Variants in ZMAT4 observed in about 807,000 individuals in gnomAD.
ZMAT4 encodes the protein zinc finger matrin-type 4, also known as zinc finger matrin-type protein 4.
In ZMAT4, 17 loss-of-function variants were observed where a neutral mutation model predicts 28.7. The observed-to-expected ratio is 0.59, with a 90% CI of 0.41 to 0.89. The LOEUF (loss-of-function observed/expected upper bound fraction) is 0.89. Ranked by LOEUF, ZMAT4 falls within the 40% of genes least tolerant of loss-of-function variation. The pLI is 0.00. For synonymous variants in ZMAT4, 117 were observed against 109.2 expected (o/e 1.07, Z -0.44); for missense variants, 240 against 283.8 (o/e 0.85, Z 1.11).
At chr8:40,651,315 C>A (rs1029226851) in intron 5 of ZMAT4, among the ~76,000 whole-genome samples, 5 of 152,328 alleles carry the variant, frequency 3.3e-5, no homozygotes, top group African/African-American at 1.2e-4. Flanking sequence ...CATGAGTGAA[C>A]TCTCATTCAC....
intron 1 of ZMAT4, among the ~76,000 whole-genome samples, chr8:40,845,715 A>G (rs531911456): frequency 2.0e-5 from 3 of 152,052 alleles, no homozygotes; most frequent in African/African-American, 7.2e-5. Context: ...CAAAAAAAAA[A>G]AAATTTTTAG....
At chr8:40,736,690 G>A (rs1309238700) in intron 3 of ZMAT4, among the ~76,000 whole-genome samples, 1 of 152,208 alleles carries the variant, frequency 6.6e-6, no homozygotes, top group Non-Finnish European at 1.5e-5. Flanking sequence ...GGAGGTAATA[G>A]TATGAGCAGA....
chr8:40,534,789 TCTC>T (rs1315897251), intron 6 of ZMAT4, among the ~76,000 whole-genome samples: 2 of 150,782 alleles, frequency 1.3e-5, no homozygotes, highest in African/African-American at 4.9e-5. Context: ...TTCAAGCAAT[TCTC>T]CTGCTTCAGC....
chr8:40,609,562 C>A (rs769347711), intron 5 of ZMAT4, among the ~76,000 whole-genome samples: 26 of 152,200 alleles, frequency 1.7e-4, no homozygotes, highest in Admixed American at 4.6e-4. Flanking sequence ...ACTTGTCAAA[C>A]CCACAGTTAG....
At chr8:40,769,131 A>G (rs1813282212) in intron 2 of ZMAT4, among the ~76,000 whole-genome samples, 2 of 152,362 alleles carry the variant, frequency 1.3e-5, no homozygotes, top group South Asian at 4.1e-4. Context: ...AAAAGTGCCA[A>G]TGAAACATGA....
chr8:40,670,802 C>T (rs956354610), intron 5 of ZMAT4, among the ~76,000 whole-genome samples: 7 of 152,270 alleles, frequency 4.6e-5, no homozygotes, highest in South Asian at 2.1e-4. Flanking sequence ...GGTGTGGTGG[C>T]TCACACCTGT....
rs971859272 is a variant in ZMAT4 at position 40,821,093 on chromosome 8, T to C, written c.102+4482A>G. On this transcript the variant is annotated intron_variant, in intron 2 of 6. Coordinates refer to ENST00000297737, the MANE Select transcript of ZMAT4 (RefSeq NM_024645.3). ...GGGGATGGGTGTGTGTGTATGTGTA[T>C]GGGGGGAGTGTGTATGTGTGTACAC... Among the ~76,000 whole-genome samples, 43 of 151,714 alleles carry C rather than the reference T, an allele frequency of 2.8e-4. 1 individual carries two copies. Among genetic ancestry groups the C allele is most frequent in the Admixed American group, 8.5e-4 (13 of 15,226 alleles).
intron 6 of ZMAT4, among the ~76,000 whole-genome samples, chr8:40,558,224 G>C (rs897389505): frequency 6.6e-6 from 1 of 152,168 alleles, no homozygotes; most frequent in African/African-American, 2.4e-5. Flanking sequence ...CCAGCACGAA[G>C]AGTCCGAATC....
At chr8:40,835,681 C>A (rs1816453300) in intron 1 of ZMAT4, among the ~76,000 whole-genome samples, 1 of 152,170 alleles carries the variant, frequency 6.6e-6, no homozygotes, top group Non-Finnish European at 1.5e-5. Flanking sequence ...ATTCAGGGCC[C>A]AGGGAAGCAG....
At chr8:40,657,802 T>G (rs1235222435) in intron 5 of ZMAT4, among the ~76,000 whole-genome samples, 2 of 152,216 alleles carry the variant, frequency 1.3e-5, no homozygotes, top group African/African-American at 4.8e-5. Context: ...TTCCAAGAAC[T>G]TATTGAAGAC....
At chr8:40,534,072 G>C (rs1020279854) in intron 6 of ZMAT4, among the ~76,000 whole-genome samples, 2 of 152,016 alleles carry the variant, frequency 1.3e-5, no homozygotes, top group Non-Finnish European at 2.9e-5. Flanking sequence ...GAGAAAATCA[G>C]ATGAAAGGGT....
intron 3 of ZMAT4, among the ~76,000 whole-genome samples, chr8:40,759,965 C>A (rs1812858892): frequency 6.6e-6 from 1 of 152,170 alleles, no homozygotes; most frequent in Admixed American, 6.5e-5. Context: ...TCTGTCCCCA[C>A]TAACAAATCT....
At chr8:40,580,235 A>G (rs1004526025) in intron 6 of ZMAT4, among the ~76,000 whole-genome samples, 2 of 151,920 alleles carry the variant, frequency 1.3e-5, no homozygotes. Context: ...GATGGTCTCT[A>G]TCTGCTGACC....
intron 5 of ZMAT4, among the ~76,000 whole-genome samples, chr8:40,640,384 G>T (rs1806966107): frequency 6.6e-5 from 10 of 152,182 alleles, no homozygotes; most frequent in Admixed American, 6.5e-4. Context: ...ACTTGAAAAG[G>T]CACAGTTGCC....
chr8:40,636,362 T>TG (rs1331149255), intron 5 of ZMAT4, among the ~76,000 whole-genome samples: 1 of 152,204 alleles, frequency 6.6e-6, no homozygotes, highest in Non-Finnish European at 1.5e-5. Flanking sequence ...TCCACATCTC[T>TG]GACATTGAGC....
At chr8:40,824,315 T>C (rs1007853867) in intron 2 of ZMAT4, among the ~76,000 whole-genome samples, 16 of 152,186 alleles carry the variant, frequency 1.1e-4, no homozygotes, top group African/African-American at 3.9e-4. Flanking sequence ...TGCAGTGGCA[T>C]GTGCCTGTAG....
At chr8:40,665,065 G>T (rs1487273559) in intron 5 of ZMAT4, among the ~76,000 whole-genome samples, 1 of 152,134 alleles carries the variant, frequency 6.6e-6, no homozygotes, top group Non-Finnish European at 1.5e-5. Flanking sequence ...CCCTAGCCAG[G>T]CGTGGTGGTG....
intron 3 of ZMAT4, among the ~76,000 whole-genome samples, chr8:40,722,385 T>C (rs545318989): frequency 2.0e-5 from 3 of 152,208 alleles, no homozygotes; most frequent in East Asian, 1.9e-4. Context: ...TTTAGAGCTA[T>C]TAGCCAGAAG....
At chr8:40,839,276 G>A (rs1034909504) in intron 1 of ZMAT4, among the ~76,000 whole-genome samples, 3 of 152,220 alleles carry the variant, frequency 2.0e-5, no homozygotes, top group Non-Finnish European at 4.4e-5. Flanking sequence ...ACGAAAGCAA[G>A]GGCCAGCGAC....
Sources: allele counts gnomAD v4.1 joint callset (sites outside exome capture counted in the v4.1 genomes callset), GRCh38; gene constraint gnomAD v4.1.1; transcripts MANE v1.5; gene names NCBI Gene and HGNC (gene_info 2026-07-23, HGNC 2026-07-21).